Variants in CTNNA3 observed in about 807,000 individuals in gnomAD.
CTNNA3 encodes catenin alpha 3.
Under a neutral mutation model 95.7 loss-of-function variants are expected in CTNNA3, and 76 were observed. The observed-to-expected ratio is 0.79, with a 90% CI of 0.66 to 0.96. The LOEUF (loss-of-function observed/expected upper bound fraction) is 0.96. Among genes scored for constraint, CTNNA3 ranks in the 40% least tolerant of loss-of-function variants. CTNNA3 has a pLI of 0.00. For synonymous variants in CTNNA3, 431 were observed against 374.4 expected (o/e 1.15, Z -1.74); for missense variants, 1,191 against 1,089.8 (o/e 1.09, Z -1.31).
intron 3 of CTNNA3, among the ~76,000 whole-genome samples, chr10:67,566,039 GTGTGTATATATATATATATA>G (rs1385572916): frequency 5.0e-5 from 1 of 19,882 alleles, no homozygotes; most frequent in East Asian, 3.5e-3. Context: ...ACATATGTGT[GTGTGTATATATATATATATA>G]TATATATATA....
At chr10:66,631,420 A>G (rs1845131008) in intron 9 of CTNNA3, among the ~76,000 whole-genome samples, 1 of 152,194 alleles carries the variant, frequency 6.6e-6, no homozygotes, top group Non-Finnish European at 1.5e-5. Flanking sequence ...AAAAAATAAT[A>G]ATAAAGCAAG....
At chr10:67,392,658 A>T (rs1291962133) in intron 5 of CTNNA3, among the ~76,000 whole-genome samples, 1 of 152,196 alleles carries the variant, frequency 6.6e-6, no homozygotes, top group Non-Finnish European at 1.5e-5. Flanking sequence ...AACCAACCCA[A>T]ATGTCCATCA....
chr10:66,471,322 CAAT>C (rs1839123996), intron 11 of CTNNA3, among the ~76,000 whole-genome samples: 1 of 151,578 alleles, frequency 6.6e-6, no homozygotes, highest in Non-Finnish European at 1.5e-5. Flanking sequence ...CTTATTTTTA[CAAT>C]GATTCATAAA....
At chr10:66,223,620 C>T (rs1368910155) in intron 13 of CTNNA3, among the ~76,000 whole-genome samples, 1 of 152,112 alleles carries the variant, frequency 6.6e-6, no homozygotes, top group Non-Finnish European at 1.5e-5. Context: ...GATAAGACAT[C>T]ATAAGAAAAG....
chr10:67,379,820 G>A (rs1335364391), intron 5 of CTNNA3, among the ~76,000 whole-genome samples: 3 of 151,986 alleles, frequency 2.0e-5, no homozygotes, highest in Admixed American at 6.6e-5. Context: ...AGGAGATCGA[G>A]AGCATCCCGG....
intron 12 of CTNNA3, among the ~76,000 whole-genome samples, chr10:66,342,499 T>C (rs1003406755): frequency 6.6e-6 from 1 of 152,020 alleles, no homozygotes; most frequent in Non-Finnish European, 1.5e-5. Flanking sequence ...GAGAAAACAT[T>C]CTTTGTATGC....
chr10:67,493,463 G>A (rs932500277), intron 5 of CTNNA3, among the ~76,000 whole-genome samples: 21 of 151,740 alleles, frequency 1.4e-4, no homozygotes, highest in African/African-American at 4.8e-4. Flanking sequence ...TCGGGAGGCT[G>A]AGGCAGGGGA....
At chr10:67,110,707 T>C (rs1438868460) in intron 7 of CTNNA3, among the ~76,000 whole-genome samples, 1 of 152,176 alleles carries the variant, frequency 6.6e-6, no homozygotes, top group African/African-American at 2.4e-5. Flanking sequence ...TTTAGGCTAA[T>C]GATGACAAGA....
At chr10:66,632,555 C>CAAAAAAAAAAAAAAAAAA (rs10559608) in intron 9 of CTNNA3, among the ~76,000 whole-genome samples, 1 of 100,954 alleles carries the variant, frequency 9.9e-6, no homozygotes, top group Non-Finnish European at 2.0e-5. Context: ...AACTCCATCT[C>CAAAAAAAAAAAAAAAAAA]AAAAAAAAAA....
chr10:67,550,707 T>G, intron 3 of CTNNA3, among the ~76,000 whole-genome samples: 1 of 149,034 alleles, frequency 6.7e-6, no homozygotes, highest in Non-Finnish European at 1.5e-5. Flanking sequence ...ATTCATAGAA[T>G]AAAGAAATAG....
intron 9 of CTNNA3, among the ~76,000 whole-genome samples, chr10:66,625,414 A>G (rs1844898810): frequency 6.6e-6 from 1 of 152,026 alleles, no homozygotes; most frequent in African/African-American, 2.4e-5. Context: ...TTAGAGACCA[A>G]GTCTCACTAG....
chr10:67,506,078 C>T (rs1839421504), intron 5 of CTNNA3, among the ~76,000 whole-genome samples: 1 of 152,142 alleles, frequency 6.6e-6, no homozygotes, highest in Admixed American at 6.5e-5. Context: ...CAGTTGACCA[C>T]AGAAGAGAGA....
chr10:66,446,645 CA>C (rs2093424251), intron 11 of CTNNA3, among the ~76,000 whole-genome samples: 1 of 152,108 alleles, frequency 6.6e-6, no homozygotes, highest in African/African-American at 2.4e-5. Flanking sequence ...TAAAAACTCT[CA>C]ATAAATTACG....
At chr10:65,972,297 C>T (rs2078120873) in intron 16 of CTNNA3, among the ~76,000 whole-genome samples, 1 of 152,078 alleles carries the variant, frequency 6.6e-6, no homozygotes, top group Non-Finnish European at 1.5e-5. Flanking sequence ...TGCCCACTCT[C>T]ACCTCTCTTA....
At chr10:66,547,888 C>A (rs1180547220) in intron 10 of CTNNA3, among the ~76,000 whole-genome samples, 1 of 150,840 alleles carries the variant, frequency 6.6e-6, no homozygotes, top group African/African-American at 2.4e-5. Flanking sequence ...TCTTGCATAA[C>A]TTTTTGTTAC....
intron 11 of CTNNA3, among the ~76,000 whole-genome samples, chr10:66,386,476 C>A (rs148833467): frequency 6.6e-6 from 1 of 152,086 alleles, no homozygotes; most frequent in African/African-American, 2.4e-5. Flanking sequence ...ACATTCCATG[C>A]TCATGGATAG....
intron 7 of CTNNA3, among the ~76,000 whole-genome samples, chr10:66,874,502 C>A (rs567107836): frequency 1.4e-3 from 216 of 152,248 alleles, no homozygotes; most frequent in African/African-American, 5.0e-3. Context: ...CTCTAACATC[C>A]AGTTGATTGC....
chr10:67,491,041 GA>G (rs996519003), intron 5 of CTNNA3, among the ~76,000 whole-genome samples: 1 of 148,696 alleles, frequency 6.7e-6, no homozygotes, highest in Admixed American at 6.7e-5. Flanking sequence ...ATTCTAAAAA[GA>G]AAAAAAAACT....
intron 13 of CTNNA3, among the ~76,000 whole-genome samples, chr10:66,272,540 G>C (rs1009496823): frequency 3.9e-5 from 6 of 151,922 alleles, no homozygotes; most frequent in African/African-American, 1.5e-4. Context: ...GCCAAGCACC[G>C]GGAACTGTCG....
Sources: allele counts gnomAD v4.1 joint callset (sites outside exome capture counted in the v4.1 genomes callset), GRCh38; gene constraint gnomAD v4.1.1; transcripts MANE v1.5; gene names NCBI Gene and HGNC (gene_info 2026-07-23, HGNC 2026-07-21).